The following ATF6 variants were observed in gnomAD, a reference collection of about 807,000 sequenced individuals.
The protein encoded by ATF6 is cyclic AMP-dependent transcription factor ATF-6 alpha.
Under a neutral mutation model 83.6 loss-of-function variants are expected in ATF6, and 53 were observed. That is an observed-to-expected ratio of 0.63 (90% CI 0.51 to 0.80). The LOEUF is 0.80. ATF6 is among the 30% of genes least tolerant of loss of function. ATF6 has a pLI of 0.00. For missense variants in ATF6, 744 were observed against 797.9 expected (o/e 0.93, Z 0.81); for synonymous variants, 288 against 285.8 (o/e 1.01, Z -0.08).
At position 161,783,930 on chromosome 1, in the gene ATF6, T is replaced by C. The variant is rs1418146933; in HGVS notation, c.248-60T>C. 3 of 1,207,626 alleles carry C rather than the reference T, an allele frequency of 2.5e-6. No individual in the cohort carries two copies. The African/African-American group carries it at 4.6e-5, about 18-fold the overall frequency. 74.8% of individuals were successfully genotyped at this position (1,207,626 alleles called of 1,614,324 possible). ...AAAGTAGATTTTACCTTCTTTCTTG[T>C]TCATTTTATTATAAGTTTTTATTGT... is the stretch of plus-strand genomic sequence containing the variant. On this transcript the variant is annotated intron_variant, in intron 3 of 15. Transcript: ENST00000367942.
intron 15 of ATF6, among the ~76,000 whole-genome samples, chr1:161,944,458 G>T (rs1325273993): frequency 2.0e-5 from 3 of 152,120 alleles, no homozygotes; most frequent in Non-Finnish European, 4.4e-5. Context: ...GAAATGCCTG[G>T]TTTTCTTTGT....
intron 7 of ATF6, among the ~76,000 whole-genome samples, chr1:161,804,245 A>T (rs986745529): frequency 2.6e-5 from 4 of 152,096 alleles, no homozygotes; most frequent in Admixed American, 1.3e-4. Context: ...ATATGTTAGG[A>T]CATTTAAAAT....
intron 9 of ATF6, among the ~76,000 whole-genome samples, chr1:161,821,696 A>G (rs1258517922): frequency 6.6e-6 from 1 of 152,206 alleles, no homozygotes; most frequent in Non-Finnish European, 1.5e-5. Flanking sequence ...GGTTAGAAGT[A>G]TAGGTGCTGC....
rs1267365871 is a variant in ATF6, at chr1:161,961,274, G to C, written c.*2620G>C. ...GCAGCTCTGCCACAGAGCTAGGGGTGCCTGTAAGGTGCCGCCTAGAGCAGC... is the reference window on the plus strand; with the variant it reads ...GCAGCTCTGCCACAGAGCTAGGGGTCCCTGTAAGGTGCCGCCTAGAGCAGC... On this transcript the variant is annotated 3_prime_UTR_variant, in exon 16 of 16. Transcript: ENST00000367942. 6.6e-6 allele frequency: 1 copy of C among 152,260 alleles called. No individual in the cohort carries two copies. The highest frequency in any genetic ancestry group is 3.1e-3 in the Middle Eastern group (1 of 318). 9.4% of individuals were successfully genotyped at this position (152,260 alleles called of 1,614,324 possible). A position where few individuals can be genotyped will look rare whatever the true frequency, so the allele number is the denominator to read the frequency against.
intron 10 of ATF6, among the ~76,000 whole-genome samples, chr1:161,848,075 C>T (rs2101821140): frequency 6.6e-6 from 1 of 151,566 alleles, no homozygotes; most frequent in Middle Eastern, 3.4e-3. Context: ...TCCAAAGTCA[C>T]CATTGAGTGA....
chr1:161,951,239 G>T (rs1262845517), intron 15 of ATF6, among the ~76,000 whole-genome samples: 2 of 152,302 alleles, frequency 1.3e-5, no homozygotes, highest in East Asian at 3.9e-4. Flanking sequence ...ATAAGCTTGA[G>T]GTTGAAGAGA....
chr1:161,783,872 G>A lies in ATF6; in HGVS notation c.248-118G>A, dbSNP rs182472539. 7.3e-4 allele frequency: 465 copies of A among 636,894 alleles called. 3 individuals carry two copies. The African/African-American group carries it at 8.0e-3, about 11-fold the overall frequency. 39.5% of individuals were successfully genotyped at this position (636,894 alleles called of 1,614,324 possible). A position where few individuals can be genotyped will look rare whatever the true frequency, so the allele number is the denominator to read the frequency against. ...TTTCATTTTCACTCGTTATATTTTGGTGACCTTAGCTTCCATATCTGATTG... is the reference window on the plus strand; with the variant it reads ...TTTCATTTTCACTCGTTATATTTTGATGACCTTAGCTTCCATATCTGATTG... On this transcript the variant is annotated intron_variant, in intron 3 of 15. Coordinates refer to ENST00000367942, the MANE Select transcript of ATF6 (RefSeq NM_007348.4).
At position 161,915,934 on chromosome 1, in the gene ATF6, A is replaced by AAT. The variant is rs578217109; in HGVS notation, c.1804+3557_1804+3558dup. Among the ~76,000 whole-genome samples, 6 of 152,188 alleles carry AAT rather than the reference A, an allele frequency of 3.9e-5. No homozygotes were observed. The South Asian group carries it at 1.2e-3, about 32-fold the overall frequency. ...CACTGCACCCAGCCCAAAATGTCTT[A>AAT]ATATTACTGTTACCTCTGGTGTAGG... On this transcript the variant is annotated intron_variant, in intron 15 of 15. Coordinates refer to ENST00000367942, the MANE Select transcript of ATF6 (RefSeq NM_007348.4).
In ATF6 at chr1:161,792,332, C is replaced by T. The variant is rs759953675; in HGVS notation, c.688+5C>T. 1 of 1,612,436 alleles carries T rather than the reference C, an allele frequency of 6.2e-7. No homozygotes were observed. The highest frequency in any genetic ancestry group is 8.5e-7 in the Non-Finnish European group (1 of 1,179,288). On this transcript the variant is annotated splice_donor_5th_base_variant and intron_variant, in intron 6 of 15. Coordinates refer to ENST00000367942, the MANE Select transcript of ATF6 (RefSeq NM_007348.4). ...TACAACCTGCACCCACTAAAGGTAC[C>T]TGAGCAGAATTTAAGGCTGTGTAAA...
rs188458704 is a variant in ATF6, at chr1:161,769,166, C to T, written c.82+2724C>T. On this transcript the variant is annotated intron_variant, in intron 1 of 15. Coordinates refer to ENST00000367942, the MANE Select transcript of ATF6 (RefSeq NM_007348.4). ...ATAGTGCAGGAGCAGCCAGAGACAG[C>T]ATAAACAAGTGAGCATGGCTGTGTT... Among the ~76,000 whole-genome samples, 15 of 152,278 alleles carry T rather than the reference C, an allele frequency of 9.9e-5. No individual in the cohort carries two copies. The East Asian group carries it at 2.7e-3, about 27-fold the overall frequency.
At chr1:161,937,418 A>G (rs1688558139) in intron 15 of ATF6, among the ~76,000 whole-genome samples, 1 of 151,782 alleles carries the variant, frequency 6.6e-6, no homozygotes, top group Admixed American at 6.6e-5. Flanking sequence ...CATAATTACC[A>G]TAAATAATTC....
chr1:161,885,001 T>C (rs1170781919), intron 14 of ATF6, among the ~76,000 whole-genome samples: 18 of 152,290 alleles, frequency 1.2e-4, no homozygotes, highest in Admixed American at 9.2e-4. Context: ...GAGGTGTCTA[T>C]AGAGGAATAA....
chr1:161,784,959 A>T (rs1025568317), intron 4 of ATF6, among the ~76,000 whole-genome samples: 6 of 152,166 alleles, frequency 3.9e-5, no homozygotes, highest in African/African-American at 1.4e-4. Context: ...TTTGCTTAAA[A>T]CTTTTTAGTA....
chr1:161,913,150 A>G (rs555130755), intron 15 of ATF6, among the ~76,000 whole-genome samples: 6 of 152,260 alleles, frequency 3.9e-5, no homozygotes, highest in African/African-American at 7.2e-5. Context: ...GACACATTAT[A>G]TTGAAAATCG....
chr1:161,951,921 A>G lies in ATF6; in HGVS notation c.1805-6525A>G, dbSNP rs115276562. ...GCAATCCTCCCTCTGTCTAATTTGG[A>G]TACAGAATCTAAATCTTTATGAGTC... On this transcript the variant is annotated intron_variant, in intron 15 of 15. Transcript: ENST00000367942. Among the ~76,000 whole-genome samples, 349 of 152,240 alleles carry G rather than the reference A, an allele frequency of 2.3e-3. 3 individuals carry two copies. Among genetic ancestry groups the G allele is most frequent in the African/African-American group, 8.2e-3 (341 of 41,512 alleles).
chr1:161,782,453 A>G (rs1211046815), intron 3 of ATF6, among the ~76,000 whole-genome samples: 1 of 152,180 alleles, frequency 6.6e-6, no homozygotes, highest in Non-Finnish European at 1.5e-5. Flanking sequence ...GGGGTTGAGT[A>G]TACTGAAAGA....
intron 14 of ATF6, among the ~76,000 whole-genome samples, chr1:161,865,739 T>A (rs1317606755): frequency 1.3e-5 from 2 of 152,214 alleles, no homozygotes; most frequent in African/African-American, 4.8e-5. Flanking sequence ...CATTTTGGTG[T>A]TTTATATCAA....
At chr1:161,790,918 C>T (rs12045333) in intron 4 of ATF6, among the ~76,000 whole-genome samples, 22,019 of 152,058 alleles carry the variant, frequency 0.14, 2,172 homozygotes, top group East Asian at 0.31. Context: ...AAATAGAAAA[C>T]AGAAAAGAAT....
intron 15 of ATF6, among the ~76,000 whole-genome samples, chr1:161,913,656 G>T (rs1006258323): frequency 6.6e-6 from 1 of 152,108 alleles, no homozygotes; most frequent in African/African-American, 2.4e-5. Flanking sequence ...TACCTTTGAA[G>T]TTACTCATGG....
Sources: gnomAD v4.1 joint callset for allele counts (sites outside exome capture counted in the v4.1 genomes callset) on GRCh38, gnomAD v4.1.1 for gene constraint, MANE v1.5 for transcripts, NCBI Gene and HGNC (gene_info 2026-07-23, HGNC 2026-07-21) for gene names.